Variants in MGAM2 observed in about 807,000 individuals in gnomAD.
MGAM2 encodes the protein probable maltase-glucoamylase 2.
Under a neutral mutation model 96.1 loss-of-function variants are expected in MGAM2, and 98 were observed. That is an observed-to-expected ratio of 1.02 (90% CI 0.87 to 1.21). MGAM2 has a LOEUF of 1.21. Ranked by LOEUF, MGAM2 falls within the 50% of genes most tolerant of loss-of-function variation. MGAM2 has a pLI of 0.00. For missense variants in MGAM2, 2,055 were observed against 1,182.4 expected, an observed-to-expected ratio of 1.74 and a Z score of -10.82; for synonymous variants, 749 against 414.8, an observed-to-expected ratio of 1.81 and a Z score of -9.79.
At chr7:142,217,899 C>A (rs954021710) in intron 46 of MGAM2, among the ~76,000 whole-genome samples, 1 of 152,046 alleles carries the variant, frequency 6.6e-6, no homozygotes, top group African/African-American at 2.4e-5. Context: ...GCCTGGCCAA[C>A]ATAGTGAAAC....
At chr7:142,169,240 G>A (rs1215305239) in intron 26 of MGAM2, among the ~76,000 whole-genome samples, 1 of 152,036 alleles carries the variant, frequency 6.6e-6, no homozygotes, top group Non-Finnish European at 1.5e-5. Context: ...TGGCCAACAT[G>A]GTAAAACCCC....
intron 45 of MGAM2, among the ~76,000 whole-genome samples, chr7:142,207,969 A>C (rs1410770240): frequency 6.6e-6 from 1 of 152,148 alleles, no homozygotes; most frequent in African/African-American, 2.4e-5. Flanking sequence ...AGAATGGTGA[A>C]GGTGAAGATT....
At chr7:142,189,316 G>C (rs915577075) in intron 36 of MGAM2, 51 bp from the exon 37 acceptor site, 1 of 610,424 alleles carries the variant, frequency 1.6e-6, no homozygotes, top group South Asian at 1.9e-5. Context: ...GGCATTTCTA[G>C]TGAATGTGCA....
chr7:142,150,804 T>A (rs1263058759), intron 15 of MGAM2, among the ~76,000 whole-genome samples: 2 of 152,194 alleles, frequency 1.3e-5, no homozygotes, highest in Non-Finnish European at 2.9e-5. Context: ...TATAAGGTAC[T>A]TTATAATCGA....
chr7:142,191,785 G>A (rs1796878751), intron 37 of MGAM2, among the ~76,000 whole-genome samples: 1 of 151,992 alleles, frequency 6.6e-6, no homozygotes, highest in Non-Finnish European at 1.5e-5. Context: ...TTTACATTGA[G>A]TCTATAAATC....
intron 3 of MGAM2, among the ~76,000 whole-genome samples, chr7:142,126,257 G>T (rs138677107): frequency 1.3e-5 from 2 of 151,838 alleles, no homozygotes; most frequent in East Asian, 1.9e-4. Flanking sequence ...ATATATGAAC[G>T]AATTCAAATT....
At chr7:142,118,547 A>G (rs1251710225) in intron 2 of MGAM2, among the ~76,000 whole-genome samples, 1 of 152,192 alleles carries the variant, frequency 6.6e-6, no homozygotes, top group Non-Finnish European at 1.5e-5. Flanking sequence ...CATGGAGTCC[A>G]TGAACCAGTC....
At chr7:142,114,799 G>C (rs1285795029) in intron 1 of MGAM2, among the ~76,000 whole-genome samples, 1 of 152,200 alleles carries the variant, frequency 6.6e-6, no homozygotes, top group Admixed American at 6.5e-5. Flanking sequence ...CGCTTGGGTT[G>C]AGAAGCAGAG....
chr7:142,164,680 A>T (rs1795979923), intron 23 of MGAM2, among the ~76,000 whole-genome samples, 176 bp from the exon 24 acceptor site: 1 of 152,150 alleles, frequency 6.6e-6, no homozygotes, highest in Non-Finnish European at 1.5e-5. Flanking sequence ...TAAAAATTTA[A>T]GATTGATAAG....
chr7:142,149,406 T>A (rs1563261019), intron 15 of MGAM2, among the ~76,000 whole-genome samples: 1 of 152,230 alleles, frequency 6.6e-6, no homozygotes, highest in Non-Finnish European at 1.5e-5. Context: ...AGGTAATTTA[T>A]AAGTAATTTA....
chr7:142,140,660 C>G, intron 10 of MGAM2, 142 bp from the exon 11 acceptor site: 2 of 551,522 alleles, frequency 3.6e-6, no homozygotes, highest in East Asian at 6.0e-5. Flanking sequence ...TTATTTTCTC[C>G]TAAGAAGTAG....
intron 1 of MGAM2, among the ~76,000 whole-genome samples, chr7:142,112,538 C>T (rs1004631715): frequency 3.9e-5 from 6 of 152,198 alleles, no homozygotes; most frequent in Non-Finnish European, 5.9e-5. Context: ...GATACCATAG[C>T]ACTCTTAGGG....
intron 3 of MGAM2, among the ~76,000 whole-genome samples, chr7:142,130,637 T>G (rs1267435077): frequency 6.6e-6 from 1 of 152,210 alleles, no homozygotes; most frequent in Non-Finnish European, 1.5e-5. Context: ...ACACACTTGG[T>G]GGAGCCCTCA....
chr7:142,170,561 T>C lies in MGAM2; in HGVS notation c.3182+332T>C, dbSNP rs2129089954. On this transcript the variant is annotated intron_variant, in intron 27 of 47. Coordinates refer to ENST00000477922, the MANE Select transcript of MGAM2 (RefSeq NM_001293626.2). ...CAAATGAGTTCCATATTATGTCTCA[T>C]TAAGAAATAATAAGAGGCAGGAGAG... Among the ~76,000 whole-genome samples the C allele has an allele frequency of 1.3e-5, 2 of 152,236 alleles. 1 individual carries two copies. Among genetic ancestry groups the C allele is most frequent in the South Asian group, 4.1e-4 (2 of 4,822 alleles).
In MGAM2 at chr7:142,220,177, C is replaced by T; in HGVS notation, c.5666C>T (p.Thr1889Ile). The change falls in exon 48 of 48, where the codon ACT becomes ATT. Residue 1889 changes from threonine to isoleucine, a missense_variant. Physicochemically the swap from Thr to Ile is moderately conservative, Grantham distance 89. Coordinates refer to ENST00000477922, the MANE Select transcript of MGAM2 (RefSeq NM_001293626.2). The part of the protein sequence containing the change: ...DTTSPFPTST[T>I]NASTNATVPI... Reference sequence around the variant, plus strand: ...ACTTCTCCTTTCCCTACAAGTACTACTAATGCTAGCACTAATGCTACTGTT... The same window carrying T: ...ACTTCTCCTTTCCCTACAAGTACTATTAATGCTAGCACTAATGCTACTGTT... 6 of 702,896 alleles carry T rather than the reference C, an allele frequency of 8.5e-6. 1 individual carries two copies. In the South Asian group the frequency reaches 8.9e-5, roughly 10 times the overall value. The allele number at this position is 702,896 out of a possible 1,614,324, so 43.5% of individuals were successfully genotyped here.
At chr7:142,197,269 G>A in intron 40 of MGAM2, 131 bp from the exon 41 acceptor site, 1 of 612,126 alleles carries the variant, frequency 1.6e-6, no homozygotes, top group Non-Finnish European at 2.9e-6. Context: ...TGGGGGAAAG[G>A]GTAGGCCAGG....
rs1032585253 is a variant in MGAM2 at position 142,185,098 on chromosome 7, G to A, written c.3946G>A (p.Val1316Ile). ...CTAGGTTTGGCCAGATCTGCCTAAT[G>A]TAATTGTAGATGGATCCCTTGACCA... ...WGKVWPDLPNVIVDGSLDHET... is the reference protein window; with the variant it reads ...WGKVWPDLPNIIVDGSLDHET... The change falls in exon 34 of 48, where the codon GTA becomes ATA. Residue 1316 changes from valine (V) to isoleucine (I), a missense_variant. Coordinates refer to ENST00000477922, the MANE Select transcript of MGAM2 (RefSeq NM_001293626.2). 4 of 702,876 alleles carry A rather than the reference G, an allele frequency of 5.7e-6. No individual in the cohort carries two copies. The highest frequency in any genetic ancestry group is 2.3e-4 in the Middle Eastern group (1 of 4,392). 43.5% of individuals were successfully genotyped at this position (702,876 alleles called of 1,614,324 possible). A position where few individuals can be genotyped will look rare whatever the true frequency, so the allele number is the denominator to read the frequency against.
At position 142,157,186 on chromosome 7, in the gene MGAM2, G is replaced by A. The variant is rs373667970; in HGVS notation, c.1924-751G>A. 2.6e-5 allele frequency among the ~76,000 whole-genome samples: 4 copies of A among 152,206 alleles called. No homozygotes were observed. In the East Asian group the frequency reaches 5.8e-4, roughly 22 times the overall value. On this transcript the variant is annotated intron_variant, in intron 17 of 47. Transcript: ENST00000477922. The stretch of plus-strand genomic sequence containing the variant: ...GATGGATTACAGACCATGGTGGCAG[G>A]CAATGTGGCTTATAAGGCAATGGAT...
intron 27 of MGAM2, among the ~76,000 whole-genome samples, chr7:142,170,709 G>T (rs1796159621): frequency 6.6e-6 from 1 of 152,162 alleles, no homozygotes; most frequent in Middle Eastern, 3.2e-3. Flanking sequence ...CCCATCTCTT[G>T]TCCTGCTGCT....
Sources: gnomAD v4.1 joint callset for allele counts (sites outside exome capture counted in the v4.1 genomes callset) on GRCh38, gnomAD v4.1.1 for gene constraint, MANE v1.5 for transcripts, NCBI Gene and HGNC (gene_info 2026-07-23, HGNC 2026-07-21) for gene names.